The following LARP1B variants were observed in gnomAD, a reference collection of about 807,000 sequenced individuals.
LARP1B encodes La ribonucleoprotein 1B.
LARP1B carries 76 observed loss-of-function variants against 114.2 expected under a neutral mutation model. The ratio of observed to expected loss-of-function variants is 0.67; its 90% confidence interval spans 0.55 to 0.81. LARP1B has a LOEUF of 0.81. Among genes scored for constraint, LARP1B ranks in the 30% least tolerant of loss-of-function variants. The pLI is 0.00. For missense variants in LARP1B, 1,014 were observed against 1,075.8 expected (o/e 0.94, Z 0.80); for synonymous variants, 345 against 348.0 (o/e 0.99, Z 0.10).
intron 9 of LARP1B, chr4:128,107,622 TA>T (rs1782561862): frequency 1.4e-6 from 2 of 1,403,126 alleles, no homozygotes; most frequent in East Asian, 5.2e-5. Flanking sequence ...TTTTCCCCTG[TA>T]AAATTGGAAT....
intron 11 of LARP1B, among the ~76,000 whole-genome samples, chr4:128,135,110 TAAA>T (rs978601632): frequency 7.0e-6 from 1 of 143,848 alleles, no homozygotes; most frequent in African/African-American, 2.7e-5. Context: ...AATAAATAAA[TAAA>T]TAAATAAATA....
Position 128,146,085 on chromosome 4 carries a change from C to T in LARP1B, c.1525-16109C>T, listed in dbSNP as rs117293335. 1.3e-3 allele frequency among the ~76,000 whole-genome samples: 191 copies of T among 152,256 alleles called. 4 individuals are homozygous for T. In the East Asian group the frequency reaches 0.031, roughly 25 times the overall value. On this transcript the variant is annotated intron_variant, in intron 11 of 19. Coordinates refer to ENST00000326639, the MANE Select transcript of LARP1B (RefSeq NM_018078.4). ...AGCATCAGTTCCATTTCCACATGTA[C>T]ATATGTATACATGCATTTTTCTAAT... is the stretch of plus-strand genomic sequence containing the variant.
intron 10 of LARP1B, among the ~76,000 whole-genome samples, chr4:128,121,300 A>C (rs992955314): frequency 1.3e-5 from 2 of 152,160 alleles, no homozygotes; most frequent in East Asian, 1.9e-4. Flanking sequence ...GATTCTATCT[A>C]TCTGTCTATC....
At chr4:128,074,722 ATAG>A (rs1215293953) in intron 2 of LARP1B, among the ~76,000 whole-genome samples, 1 of 152,226 alleles carries the variant, frequency 6.6e-6, no homozygotes, top group Non-Finnish European at 1.5e-5. Flanking sequence ...ATGTTATTAA[ATAG>A]TGGTGAAAGT....
At chr4:128,132,924 A>G (rs973959071) in intron 11 of LARP1B, among the ~76,000 whole-genome samples, 4 of 151,896 alleles carry the variant, frequency 2.6e-5, no homozygotes, top group African/African-American at 9.7e-5. Flanking sequence ...TCTGGGGGTG[A>G]TGGGAGACAA....
intron 8 of LARP1B, among the ~76,000 whole-genome samples, chr4:128,103,468 CTTCTT>C (rs1736749462): frequency 6.6e-6 from 1 of 151,708 alleles, no homozygotes; most frequent in South Asian, 2.1e-4. Context: ...GTCAGTGTTA[CTTCTT>C]TCTTGTGTCT....
chr4:128,070,106 C>T (rs564350109), intron 1 of LARP1B, among the ~76,000 whole-genome samples: 21 of 151,908 alleles, frequency 1.4e-4, no homozygotes, highest in Non-Finnish European at 2.8e-4. Flanking sequence ...ATCATGAGGT[C>T]GGGAAATCGA....
intron 2 of LARP1B, 116 bp from the exon 3 acceptor site, chr4:128,074,818 A>G (rs1230112788): frequency 6.0e-6 from 4 of 670,018 alleles, no homozygotes; most frequent in East Asian, 2.8e-5. Context: ...AGATGCCTGC[A>G]TATAACTGAA....
intron 15 of LARP1B, among the ~76,000 whole-genome samples, chr4:128,183,283 T>C (rs1749195191): frequency 6.6e-6 from 1 of 152,212 alleles, no homozygotes; most frequent in African/African-American, 2.4e-5. Flanking sequence ...AATGTTTGGC[T>C]TCAGAGCTTC....
intron 9 of LARP1B, chr4:128,108,921 GTTTT>G (rs2149815660): frequency 1.2e-6 from 1 of 803,440 alleles, no homozygotes; most frequent in Non-Finnish European, 1.5e-6. Context: ...ACATTTTTGT[GTTTT>G]TTAATATACA....
At chr4:128,101,890 C>T (rs927974543) in intron 8 of LARP1B, among the ~76,000 whole-genome samples, 1 of 152,100 alleles carries the variant, frequency 6.6e-6, no homozygotes, top group Admixed American at 6.6e-5. Flanking sequence ...TACTTCTGTA[C>T]GAATGTAGTT....
chr4:128,111,141 G>A (rs1783965254), intron 9 of LARP1B, among the ~76,000 whole-genome samples: 1 of 151,784 alleles, frequency 6.6e-6, no homozygotes, highest in Admixed American at 6.6e-5. Context: ...CCGCCTCCCA[G>A]GTTCAAGCAA....
At chr4:128,183,032 G>A (rs1487893880) in intron 15 of LARP1B, among the ~76,000 whole-genome samples, 1 of 152,146 alleles carries the variant, frequency 6.6e-6, no homozygotes, top group Non-Finnish European at 1.5e-5. Context: ...TGGTTAATGA[G>A]GTTTAAGAAG....
chr4:128,111,305 C>T (rs563177439), intron 9 of LARP1B, among the ~76,000 whole-genome samples: 70 of 152,248 alleles, frequency 4.6e-4, no homozygotes, highest in Non-Finnish European at 9.7e-4. Context: ...TCTCGGCCCC[C>T]CAAAGTGCTG....
chr4:128,101,956 A>G (rs1337657088), intron 8 of LARP1B, among the ~76,000 whole-genome samples: 3 of 152,190 alleles, frequency 2.0e-5, no homozygotes, highest in Admixed American at 1.3e-4. Flanking sequence ...TAAATCCTCA[A>G]GCACAATTTT....
At chr4:128,114,780 T>C (rs1785220915) in intron 10 of LARP1B, 38 bp downstream of exon 10, 1 of 1,589,942 alleles carries the variant, frequency 6.3e-7, no homozygotes, top group African/African-American at 1.3e-5. Flanking sequence ...TGACATACCC[T>C]GGGTGGAGTA....
chr4:128,067,710 CTTT>C (rs66709998), intron 1 of LARP1B, among the ~76,000 whole-genome samples: 1 of 145,108 alleles, frequency 6.9e-6, no homozygotes, highest in Admixed American at 6.9e-5. Flanking sequence ...TGGATACCTC[CTTT>C]TTTTTTTTTT....
rs1758004705 is a variant in LARP1B, at chr4:128,207,829, G to A, written c.2547+446G>A. On this transcript the variant is annotated intron_variant, in intron 19 of 19. Coordinates refer to ENST00000326639, the MANE Select transcript of LARP1B (RefSeq NM_018078.4). Reference sequence around the variant, plus strand: ...GCATGTGTGCAAGCACAAGAGTGGTGTCTTTTAGTTGAGTCAGCCAGACAA... The same window carrying A: ...GCATGTGTGCAAGCACAAGAGTGGTATCTTTTAGTTGAGTCAGCCAGACAA... Among the ~76,000 whole-genome samples, 3 of 152,246 alleles carry A rather than the reference G, an allele frequency of 2.0e-5. No individual in the cohort carries two copies. The South Asian group carries it at 6.2e-4, about 31-fold the overall frequency.
intron 2 of LARP1B, 134 bp from the exon 3 acceptor site, chr4:128,074,796 GATTA>G (rs1172023123): frequency 1.7e-6 from 1 of 586,224 alleles, no homozygotes; most frequent in African/African-American, 1.9e-5. Flanking sequence ...GAAACTTTTT[GATTA>G]ATTTGGCAGA....
Sources: allele counts gnomAD v4.1 joint callset (sites outside exome capture counted in the v4.1 genomes callset), GRCh38; gene constraint gnomAD v4.1.1; transcripts MANE v1.5; gene names NCBI Gene and HGNC (gene_info 2026-07-23, HGNC 2026-07-21).